The following TMTC1 variants were observed in gnomAD, a reference collection of about 807,000 sequenced individuals.
The protein encoded by TMTC1 is transmembrane O-mannosyltransferase targeting cadherins 1.
In TMTC1, 73 loss-of-function variants were observed where a neutral mutation model predicts 104.8. The ratio of observed to expected loss-of-function variants is 0.70; its 90% CI spans 0.58 to 0.85. The LOEUF is 0.85. Among genes scored for constraint, TMTC1 ranks in the 40% least tolerant of loss-of-function variants. The pLI is 0.00. For synonymous variants in TMTC1, 434 were observed against 428.7 expected (o/e 1.01, Z -0.15); for missense variants, 1,035 against 1,096.1 (o/e 0.94, Z 0.79).
intron 10 of TMTC1, among the ~76,000 whole-genome samples, chr12:29,543,129 C>G (rs981748658): frequency 6.6e-6 from 1 of 152,108 alleles, no homozygotes; most frequent in African/African-American, 2.4e-5. Context: ...TTAGAATGTA[C>G]GAATTTTGCC....
intron 5 of TMTC1, among the ~76,000 whole-genome samples, chr12:29,694,081 G>A (rs943708141): frequency 9.2e-5 from 14 of 152,120 alleles, no homozygotes; most frequent in African/African-American, 3.1e-4. Context: ...GCATTGTTCA[G>A]AAAAAGGCTG....
chr12:29,534,434 T>C (rs1944587198), intron 11 of TMTC1: 1 of 152,240 alleles, frequency 6.6e-6, no homozygotes, highest in Non-Finnish European at 1.5e-5. Context: ...GACCTTTGTG[T>C]GTAAGAAAAG....
intron 6 of TMTC1, among the ~76,000 whole-genome samples, chr12:29,621,373 C>T (rs934273297): frequency 6.6e-6 from 1 of 152,198 alleles, no homozygotes; most frequent in Non-Finnish European, 1.5e-5. Flanking sequence ...GTGTTCAGTT[C>T]AACCATATGG....
At chr12:29,636,210 G>C (rs1411244033) in intron 5 of TMTC1, among the ~76,000 whole-genome samples, 3 of 152,158 alleles carry the variant, frequency 2.0e-5, no homozygotes, top group African/African-American at 7.2e-5. Flanking sequence ...ATGGCCTGGA[G>C]TTATTATTGA....
intron 5 of TMTC1, among the ~76,000 whole-genome samples, chr12:29,748,617 A>AGAG (rs1943014069): frequency 1.3e-5 from 2 of 152,196 alleles, no homozygotes; most frequent in Admixed American, 1.3e-4. Context: ...GAGTTACAAC[A>AGAG]TCTACCCTAA....
intron 5 of TMTC1, among the ~76,000 whole-genome samples, chr12:29,708,820 A>AT (rs1283947515): frequency 6.6e-6 from 1 of 152,200 alleles, no homozygotes; most frequent in Non-Finnish European, 1.5e-5. Flanking sequence ...AACAAGAGAG[A>AT]TTCCCAAAGT....
intron 2 of TMTC1, among the ~76,000 whole-genome samples, chr12:29,765,954 G>C (rs60727298): frequency 0.1 from 15,456 of 152,204 alleles, 822 homozygotes; most frequent in African/African-American, 0.14. Flanking sequence ...GTGCAATCAA[G>C]TCCTCCTTTA....
chr12:29,644,381 G>A (rs1006646273), intron 5 of TMTC1, among the ~76,000 whole-genome samples: 5 of 151,312 alleles, frequency 3.3e-5, no homozygotes, highest in East Asian at 1.9e-4. Flanking sequence ...TGAGAGGGGC[G>A]AGGGATAAAA....
At chr12:29,613,877 G>A in intron 6 of TMTC1, 4 of 874,324 alleles carry the variant, frequency 4.6e-6, no homozygotes, top group Non-Finnish European at 5.5e-6. Context: ...GTGACAAAAT[G>A]TTTTACTTTT....
At chr12:29,520,783 A>C in intron 11 of TMTC1, 63 bp from the exon 12 acceptor site, 1 of 1,342,880 alleles carries the variant, frequency 7.4e-7, no homozygotes, top group Non-Finnish European at 1.0e-6. Flanking sequence ...CAATAACTGA[A>C]TATTAGGAGC....
chr12:29,757,050 A>G (rs1943231658), intron 3 of TMTC1, among the ~76,000 whole-genome samples: 1 of 152,238 alleles, frequency 6.6e-6, no homozygotes, highest in Non-Finnish European at 1.5e-5. Context: ...GCCAGAATGA[A>G]CAAGAAACAA....
intron 10 of TMTC1, among the ~76,000 whole-genome samples, chr12:29,544,541 G>A (rs147561619): frequency 1.0e-3 from 158 of 152,256 alleles, no homozygotes; most frequent in African/African-American, 3.1e-3. Flanking sequence ...GGTGTCTATC[G>A]TCATCCAGAT....
chr12:29,695,589 GCCACCGCGCCAGGCCACAT>G (rs1214647427), intron 5 of TMTC1, among the ~76,000 whole-genome samples: 1 of 151,480 alleles, frequency 6.6e-6, no homozygotes, highest in African/African-American at 2.4e-5. Flanking sequence ...ACAGGCGTGA[GCCACCGCGCCAGGCCACAT>G]CCACAGGTTT....
Position 29,755,586 on chromosome 12 carries a change from A to G in TMTC1, c.731+123T>C, listed in dbSNP as rs185107038. ...AAATAAGCCTTGTTGATTACGTGAC[A>G]GTCTAAGGTGAGATGACATTTAATA... On this transcript the variant is annotated intron_variant, in intron 4 of 17. Transcript: ENST00000539277. 4 of 770,666 alleles carry G rather than the reference A, an allele frequency of 5.2e-6. No homozygotes were observed. The African/African-American group carries it at 7.0e-5, about 14-fold the overall frequency. 47.7% of individuals were successfully genotyped at this position (770,666 alleles called of 1,614,324 possible). A position where few individuals can be genotyped will look rare whatever the true frequency, so the allele number is the denominator to read the frequency against.
At position 29,520,631 on chromosome 12, in the gene TMTC1, G is replaced by A; in HGVS notation, c.1875C>T (p.Phe625=). The change falls in exon 12 of 18, where the codon TTC becomes TTT. Residue 625 remains phenylalanine (F), a synonymous_variant. Transcript: ENST00000539277. Reference sequence around the variant, plus strand: ...AATTTCACTTACCAGTATCAACTAAGAAAACCCCATAGTTGTTGTGTAAAT... The same window carrying A: ...AATTTCACTTACCAGTATCAACTAAAAAAACCCCATAGTTGTTGTGTAAAT... ...SSDLHNNYGV[F]LVDTGLPEKA... is the part of the protein sequence containing the mutation. The A allele has an allele frequency of 6.2e-7, 1 of 1,612,672 alleles. No individual in the cohort carries two copies. Among genetic ancestry groups the A allele is most frequent in the Non-Finnish European group, 8.5e-7 (1 of 1,179,482 alleles).
At chr12:29,626,176 T>C (rs752662610) in intron 6 of TMTC1, among the ~76,000 whole-genome samples, 1 of 152,214 alleles carries the variant, frequency 6.6e-6, no homozygotes, top group African/African-American at 2.4e-5. Flanking sequence ...TTCTTAGTGA[T>C]AGAAGTATGG....
chr12:29,542,589 T>C (rs987728459), intron 10 of TMTC1, among the ~76,000 whole-genome samples: 1 of 152,162 alleles, frequency 6.6e-6, no homozygotes, highest in African/African-American at 2.4e-5. Context: ...ACTGATAAGA[T>C]TCAGCAGGTC....
At chr12:29,658,965 T>TA (rs1010384511) in intron 5 of TMTC1, among the ~76,000 whole-genome samples, 5 of 152,210 alleles carry the variant, frequency 3.3e-5, no homozygotes, top group African/African-American at 1.2e-4. Flanking sequence ...GTTAAGGACT[T>TA]AAAATCCTAT....
chr12:29,596,012 A>AT (rs553499127), intron 7 of TMTC1, among the ~76,000 whole-genome samples: 7,276 of 146,360 alleles, frequency 0.05, 572 homozygotes, highest in African/African-American at 0.17. Context: ...GTTGTTGTTC[A>AT]TTTTTTTTTT....
Sources: gnomAD v4.1 joint callset for allele counts (sites outside exome capture counted in the v4.1 genomes callset) on GRCh38, gnomAD v4.1.1 for gene constraint, MANE v1.5 for transcripts, NCBI Gene and HGNC (gene_info 2026-07-23, HGNC 2026-07-21) for gene names.